Variants in TCF3 observed in about 807,000 individuals in gnomAD.
TCF3 encodes the protein transcription factor 3.
TCF3 carries 54 observed loss-of-function variants against 72.3 expected under a neutral mutation model. The observed-to-expected ratio is 0.75, with a 90% CI of 0.60 to 0.94. TCF3 has a LOEUF of 0.94. Among genes scored for constraint, TCF3 ranks in the 40% least tolerant of loss-of-function variants. The probability of loss-of-function intolerance (pLI) is 0.00; values close to 1 mark genes in which losing one functional copy is unlikely to be tolerated. For synonymous variants in TCF3, 525 were observed against 412.6 expected, an observed-to-expected ratio of 1.27 and a Z score of -3.30; for missense variants, 1,078 against 934.4, an observed-to-expected ratio of 1.15 and a Z score of -2.00.
At chr19:1,637,926 A>T (rs1230344749) in intron 3 of TCF3, among the ~76,000 whole-genome samples, 1 of 152,140 alleles carries the variant, frequency 6.6e-6, no homozygotes, top group Non-Finnish European at 1.5e-5. Flanking sequence ...AAAGAAAAAG[A>T]AAAAGAGACA....
rs998045406 is a variant in TCF3 at position 1,652,422 on chromosome 19, G to T, written c.-162C>A. 3 of 142,630 alleles carry T rather than the reference G, an allele frequency of 2.1e-5. No individual in the cohort carries two copies. In the South Asian group the frequency reaches 6.3e-4, roughly 30 times the overall value. 8.8% of individuals were successfully genotyped at this position (142,630 alleles called of 1,614,324 possible). A position where few individuals can be genotyped will look rare whatever the true frequency, so the allele number is the denominator to read the frequency against. On this transcript the variant is annotated 5_prime_UTR_variant, in exon 1 of 19. Transcript: ENST00000262965. ...CGAGGGTCGCGCGTGGGCGGCGGCG[G>T]CGGCGCGCGTGGCCCGGGCCCCTCC... is the stretch of plus-strand genomic sequence containing the variant.
Position 1,610,375 on chromosome 19 carries a change from C to G in TCF3, c.*1332G>C. On this transcript the variant is annotated 3_prime_UTR_variant, in exon 19 of 19. Coordinates refer to ENST00000262965, the MANE Select transcript of TCF3 (RefSeq NM_003200.5). ...TGGGGGAGGCTGGCCAGGCCCCTGG[C>G]ATCCTGTCTACGTCACGATGGCCCT... 4.4e-6 allele frequency: 1 copy of G among 229,706 alleles called. No homozygotes were observed. The highest frequency in any genetic ancestry group is 8.6e-6 in the Non-Finnish European group (1 of 115,866). The allele number at this position is 229,706 out of a possible 1,614,324, so 14.2% of individuals were successfully genotyped here. A position where few individuals can be genotyped will look rare whatever the true frequency, so the allele number is the denominator to read the frequency against.
chr19:1,642,186 GCAGACA>G (rs777195975), intron 3 of TCF3, among the ~76,000 whole-genome samples: 7 of 143,026 alleles, frequency 4.9e-5, no homozygotes, highest in Admixed American at 2.1e-4. Flanking sequence ...ACACACGCAC[GCAGACA>G]CAGACGCAGA....
At position 1,621,987 on chromosome 19, in the gene TCF3, G is replaced by A; in HGVS notation, c.823-17C>T. Reference sequence around the variant, plus strand: ...CTGGTAGCCCTGGGGGGTCAGGCAGGAGGAGGGTGGGTTAGATGGGCACTG... The same window carrying A: ...CTGGTAGCCCTGGGGGGTCAGGCAGAAGGAGGGTGGGTTAGATGGGCACTG... On this transcript the variant is annotated splice_polypyrimidine_tract_variant and intron_variant, in intron 10 of 18. Transcript: ENST00000262965. 4 of 1,602,662 alleles carry A rather than the reference G, an allele frequency of 2.5e-6. No homozygotes were observed. The highest frequency in any genetic ancestry group is 3.4e-6 in the Non-Finnish European group (4 of 1,175,376).
intron 6 of TCF3, among the ~76,000 whole-genome samples, chr19:1,626,789 T>C (rs1332987316): frequency 6.6e-6 from 1 of 152,142 alleles, no homozygotes; most frequent in African/African-American, 2.4e-5. Context: ...ATGGCTACTG[T>C]TGCTCTGGCT....
At chr19:1,645,702 G>A (rs1273402213) in intron 3 of TCF3, among the ~76,000 whole-genome samples, 3 of 152,098 alleles carry the variant, frequency 2.0e-5, no homozygotes, top group Admixed American at 1.3e-4. Flanking sequence ...TGATTTTCAG[G>A]CCACCCCCAG....
chr19:1,639,680 G>C (rs1015111489), intron 3 of TCF3, among the ~76,000 whole-genome samples: 1 of 122,640 alleles, frequency 8.2e-6, no homozygotes, highest in Non-Finnish European at 1.6e-5. Context: ...TGGAGATCTA[G>C]AAATCAAGAA....
At chr19:1,652,204 GC>G (rs370594374) in intron 1 of TCF3, 95 bp downstream of exon 1, 55,167 of 139,876 alleles carry the variant, frequency 0.39, 11,247 homozygotes, top group East Asian at 0.73. Context: ...CTTCCTCCGC[GC>G]CCCCCCCCAA....
chr19:1,618,616 C>T (rs540262670), intron 16 of TCF3, among the ~76,000 whole-genome samples: 1 of 152,228 alleles, frequency 6.6e-6, no homozygotes, highest in Non-Finnish European at 1.5e-5. Flanking sequence ...GGGCTGCGCC[C>T]TCTGCCTGAA....
At chr19:1,625,796 C>G in intron 6 of TCF3, 88 bp from the exon 7 acceptor site, 1 of 1,396,482 alleles carries the variant, frequency 7.2e-7, no homozygotes, top group Non-Finnish European at 9.3e-7. Flanking sequence ...AAGGCCGAAG[C>G]CACTCAGACC....
chr19:1,611,918 G>A, intron 18 of TCF3, 69 bp from the exon 19 acceptor site: 1 of 407,750 alleles, frequency 2.5e-6, no homozygotes, highest in Non-Finnish European at 4.3e-6. Context: ...GTGGGAGTGG[G>A]GGGTAGGATG....
intron 3 of TCF3, among the ~76,000 whole-genome samples, chr19:1,638,053 G>A (rs2064700063): frequency 6.6e-6 from 1 of 152,192 alleles, no homozygotes; most frequent in South Asian, 2.1e-4. Flanking sequence ...CAAAGAAATG[G>A]CAGAGCCTGG....
In TCF3 at chr19:1,618,730, C is replaced by T. The variant is rs543989176; in HGVS notation, c.1450+381G>A. 1.2e-4 allele frequency among the ~76,000 whole-genome samples: 18 copies of T among 152,304 alleles called. No homozygotes were observed. In the East Asian group the frequency reaches 3.1e-3, roughly 26 times the overall value. On this transcript the variant is annotated intron_variant, in intron 16 of 18. Coordinates refer to ENST00000262965, the MANE Select transcript of TCF3 (RefSeq NM_003200.5). ...CACCATCTTCAAAGCCATACAAAAC[C>T]CCCAACCCACCGCAGCCACTTCGTT...
At chr19:1,647,614 G>A (rs915562314) in intron 2 of TCF3, among the ~76,000 whole-genome samples, 5 of 152,156 alleles carry the variant, frequency 3.3e-5, no homozygotes, top group South Asian at 2.1e-4. Context: ...ACCCCCTCCC[G>A]CAGGCTCCGG....
At chr19:1,645,064 C>CA (rs2065883315) in intron 3 of TCF3, among the ~76,000 whole-genome samples, 1 of 152,040 alleles carries the variant, frequency 6.6e-6, no homozygotes, top group Admixed American at 6.5e-5. Context: ...AGGGGAAGGC[C>CA]AGTGTGAGGC....
At chr19:1,630,800 A>G (rs2063615693) in intron 5 of TCF3, among the ~76,000 whole-genome samples, 1 of 152,004 alleles carries the variant, frequency 6.6e-6, no homozygotes, top group Non-Finnish European at 1.5e-5. Flanking sequence ...CCCCCCAAGC[A>G]GCGGGACCCC....
chr19:1,611,774 G>A lies in TCF3; in HGVS notation c.1898C>T (p.Pro633Leu), dbSNP rs752272375. 1.2e-5 allele frequency: 20 copies of A among 1,613,662 alleles called. No homozygotes were observed. The highest frequency in any genetic ancestry group is 1.7e-5 in the Non-Finnish European group (20 of 1,179,976). The change falls in exon 19 of 19, where the codon CCC becomes CTC. Residue 633 changes from proline (P) to leucine (L), a missense_variant. Transcript: ENST00000262965. The part of the protein sequence containing the change: ...EEKVSGVVGD[P>L]QMVLSAPHPG... ...GTGGGGAGCTGAAAGCACCATCTGG[G>A]GGTCTCCAACCACACCTGACACCTT... is the stretch of plus-strand genomic sequence containing the variant.
At chr19:1,647,988 C>A (rs1024550484) in intron 2 of TCF3, among the ~76,000 whole-genome samples, 2 of 152,158 alleles carry the variant, frequency 1.3e-5, no homozygotes, top group African/African-American at 2.4e-5. Context: ...CTCGCTCCCC[C>A]TTCATTCCTG....
intron 3 of TCF3, among the ~76,000 whole-genome samples, chr19:1,643,893 A>C (rs1163694953): frequency 1.3e-5 from 2 of 152,230 alleles, no homozygotes; most frequent in South Asian, 2.1e-4. Context: ...CACATGAAGA[A>C]GGGGCCAAGG....
Sources: gnomAD v4.1 joint callset for allele counts (sites outside exome capture counted in the v4.1 genomes callset) on GRCh38, gnomAD v4.1.1 for gene constraint, MANE v1.5 for transcripts, NCBI Gene and HGNC (gene_info 2026-07-23, HGNC 2026-07-21) for gene names.